The following PIF1 variants were observed in gnomAD, a reference collection of about 807,000 sequenced individuals.
PIF1 encodes ATP-dependent DNA helicase PIF1.
In PIF1, 67 loss-of-function variants were observed where a neutral mutation model predicts 62.3. The observed-to-expected ratio is 1.08, with a 90% confidence interval of 0.88 to 1.32. The LOEUF is 1.32. Ranked by LOEUF, PIF1 falls within the 40% of genes most tolerant of loss-of-function variation. The pLI is 0.00. For synonymous variants in PIF1, 364 were observed against 379.5 expected (o/e 0.96, Z 0.47); for missense variants, 886 against 866.1 (o/e 1.02, Z -0.29).
At position 64,821,375 on chromosome 15, in the gene PIF1, G is replaced by A. The variant is rs149484129; in HGVS notation, c.963C>T (p.Ala321=). 5.6e-6 allele frequency: 9 copies of A among 1,613,920 alleles called. No homozygotes were observed. Among genetic ancestry groups the A allele is most frequent in the Non-Finnish European group, 7.6e-6 (9 of 1,179,922 alleles). The change falls in exon 5 of 13, where the codon GCC becomes GCT. Residue 321 remains alanine (A), a synonymous_variant. Transcript: ENST00000559239. ...VEADLFDKLE[A]VARAVRQQNK... is the part of the protein sequence containing the mutation. ...CCTCTGAACATACTGACCTGGCCACGGCCTCCAGTTTGTCAAACAGGTCTG... is the reference window on the plus strand; with the variant it reads ...CCTCTGAACATACTGACCTGGCCACAGCCTCCAGTTTGTCAAACAGGTCTG...
chr15:64,819,112 C>A lies in PIF1; in HGVS notation c.1440+5G>T. The A allele has an allele frequency of 1.3e-6, 2 of 1,579,382 alleles. No individual in the cohort carries two copies. The highest frequency in any genetic ancestry group is 1.7e-6 in the Non-Finnish European group (2 of 1,169,512). ...CCCAGGGGCTAGGCCCTGCTTCCCA[C>A]TCACCTGGGCCCCCAGCTTTAGTTG... On this transcript the variant is annotated splice_donor_5th_base_variant and intron_variant, in intron 9 of 12. Coordinates refer to ENST00000559239, the MANE Select transcript of PIF1 (RefSeq NM_001286496.2).
At position 64,824,272 on chromosome 15, in the gene PIF1, C is replaced by A; in HGVS notation, c.64G>T (p.Ala22Ser). The A allele has an allele frequency of 7.8e-7, 1 of 1,281,532 alleles. No individual in the cohort carries two copies. 79.4% of individuals were successfully genotyped at this position (1,281,532 alleles called of 1,614,324 possible). Reference protein sequence around the residue: ...YEDSELRCRVAVEELSPGGQP... With the variant: ...YEDSELRCRVSVEELSPGGQP... ...CCGCCCGGGCTCAGCTCCTCCACAG[C>A]CACGCGGCACCGCAGCTCCGAGTCC... The change falls in exon 2 of 13, where the codon GCT (alanine) becomes TCT (serine). Residue 22 changes from alanine to serine, a missense_variant. Ala to Ser is a moderately conservative substitution (Grantham distance 99, BLOSUM62 1). Coordinates refer to ENST00000559239, the MANE Select transcript of PIF1 (RefSeq NM_001286496.2).
chr15:64,817,918 T>G, intron 11 of PIF1, 28 bp downstream of exon 11: 8 of 1,591,130 alleles, frequency 5.0e-6, no homozygotes, highest in Non-Finnish European at 6.8e-6. Flanking sequence ...CTGCCCTCCC[T>G]GTCCCTGCCC....
At position 64,824,292 on chromosome 15, in the gene PIF1, G is replaced by A. The variant is rs1408034763; in HGVS notation, c.44C>T (p.Ser15Leu). Residue 15 changes from serine to leucine, a missense_variant, in exon 2 of 13, where the codon TCG becomes TTG. Ser to Leu is a moderately radical substitution (Grantham distance 145, BLOSUM62 -2). Coordinates refer to ENST00000559239, the MANE Select transcript of PIF1 (RefSeq NM_001286496.2). ...IEAAAGEYED[S>L]ELRCRVAVEE... is the part of the protein sequence containing the mutation. Reference sequence around the variant, plus strand: ...CACAGCCACGCGGCACCGCAGCTCCGAGTCCTCATATTCCCCTGCCGCCGC... The same window carrying A: ...CACAGCCACGCGGCACCGCAGCTCCAAGTCCTCATATTCCCCTGCCGCCGC... The A allele has an allele frequency of 3.2e-6, 4 of 1,266,600 alleles. No homozygotes were observed. Among genetic ancestry groups the A allele is most frequent in the Non-Finnish European group, 4.0e-6 (4 of 1,004,692 alleles). The allele number at this position is 1,266,600 out of a possible 1,614,324, so 78.5% of individuals were successfully genotyped here.
chr15:64,821,452 C>T lies in PIF1; in HGVS notation c.886G>A (p.Gly296Ser). ...ACCAACCGCTGGCAGTTCAGCCAGC[C>T]CTGCCGCACGCCTGGCCTTTGGGCC... ...ALAQRPGVRQ[G>S]WLNCQRLVID... Residue 296 changes from glycine to serine, a missense_variant, in exon 5 of 13, where the codon GGC becomes AGC. Gly to Ser is a moderately conservative substitution (Grantham distance 56). Coordinates refer to ENST00000559239, the MANE Select transcript of PIF1 (RefSeq NM_001286496.2). 6.2e-7 allele frequency: 1 copy of T among 1,614,230 alleles called. No homozygotes were observed. Among genetic ancestry groups the T allele is most frequent in the Non-Finnish European group, 8.5e-7 (1 of 1,180,042 alleles).
chr15:64,820,376 G>A (rs1471264020), intron 7 of PIF1, among the ~76,000 whole-genome samples: 3 of 152,184 alleles, frequency 2.0e-5, no homozygotes, highest in Admixed American at 6.5e-5. Context: ...TACCTTGGGT[G>A]AAAAATCTAG....
chr15:64,817,898 T>C, intron 11 of PIF1, 48 bp downstream of exon 11: 2 of 1,572,970 alleles, frequency 1.3e-6, no homozygotes, highest in Non-Finnish European at 8.6e-7. Flanking sequence ...GCAACATGCC[T>C]GACCTCCCTC....
chr15:64,825,338 G>C (rs1466061522), intron 1 of PIF1, among the ~76,000 whole-genome samples: 1 of 152,178 alleles, frequency 6.6e-6, no homozygotes, highest in Admixed American at 6.5e-5. Flanking sequence ...CAGGCTAAGA[G>C]AGGGAAACTC....
At chr15:64,822,066 G>A in intron 4 of PIF1, 200 bp downstream of exon 4, 1 of 648,224 alleles carries the variant, frequency 1.5e-6, no homozygotes, top group South Asian at 2.1e-5. Flanking sequence ...TGTGGAGACA[G>A]GGTTTACTGT....
At chr15:64,826,665 T>TATATATATGCACAC (rs796684934), upstream of PIF1, among the ~76,000 whole-genome samples, 1 of 42,792 alleles carries the variant, frequency 2.3e-5, no homozygotes, top group Non-Finnish European at 4.2e-5. Context: ...TATATATATA[T>TATATATATGCACAC]ACACACACAC....
intron 4 of PIF1, 184 bp from the exon 5 acceptor site, chr15:64,821,704 T>G: frequency 3.3e-6 from 2 of 614,950 alleles, no homozygotes. Context: ...CCATAGTAGC[T>G]GGGACTACAG....
intron 9 of PIF1, 196 bp from the exon 10 acceptor site, chr15:64,818,540 G>T: frequency 1.7e-6 from 1 of 581,382 alleles, no homozygotes; most frequent in Non-Finnish European, 3.1e-6. Flanking sequence ...TTTTCTTTAT[G>T]TCAAAGAGGA....
At position 64,820,995 on chromosome 15, in the gene PIF1, C is replaced by A. The variant is rs535216310; in HGVS notation, c.1180G>T (p.Val394Leu). The A allele has an allele frequency of 6.2e-7, 1 of 1,613,882 alleles. No individual in the cohort carries two copies. Among genetic ancestry groups the A allele is most frequent in the Non-Finnish European group, 8.5e-7 (1 of 1,179,866 alleles). The part of the protein sequence containing the change: ...DQTFISLLQA[V>L]RLGRCSDEVT... ...AGCAGAGCTCACCTGCCTAGCCTCA[C>A]GGCCTGCAGTAGAGAGATGAAGGTC... The change falls in exon 7 of 13, where the codon GTG becomes TTG. Residue 394 changes from valine to leucine, a missense_variant. Transcript: ENST00000559239.
chr15:64,818,226 A>T (rs760163554), intron 10 of PIF1, 31 bp downstream of exon 10: 1 of 1,612,804 alleles, frequency 6.2e-7, no homozygotes, highest in South Asian at 1.1e-5. Flanking sequence ...AAAGCCCCGT[A>T]GCAGGACTGC....
chr15:64,819,952 T>C lies in PIF1; in HGVS notation c.1228A>G (p.Thr410Ala). The C allele has an allele frequency of 1.2e-6, 2 of 1,614,170 alleles. No individual in the cohort carries two copies. The highest frequency in any genetic ancestry group is 1.7e-6 in the Non-Finnish European group (2 of 1,180,018). ...SDEVTRQLQA[T>A]ASHKVGRDGI... ...TCTCGCCCCACCTTGTGGGAAGCTG[T>C]GGCCTGGAGCTGGCGGGTCACCTCA... The change falls in exon 8 of 13, where the codon ACA becomes GCA. Residue 410 changes from threonine to alanine, a missense_variant. Thr to Ala is a moderately conservative substitution (Grantham distance 58). Transcript: ENST00000559239.
rs544530355 is a variant in PIF1, at chr15:64,823,894, C to T, written c.442G>A (p.Val148Ile). 2 of 1,381,104 alleles carry T rather than the reference C, an allele frequency of 1.4e-6. No homozygotes were observed. The highest frequency in any genetic ancestry group is 9.5e-7 in the Non-Finnish European group (1 of 1,057,766). 85.6% of individuals were successfully genotyped at this position (1,381,104 alleles called of 1,614,324 possible). ...TCGGGCTGCACAGGGCTGATGGTGACGAAGTCGCGGGGCCGCGGGCCCAGC... is the reference window on the plus strand; with the variant it reads ...TCGGGCTGCACAGGGCTGATGGTGATGAAGTCGCGGGGCCGCGGGCCCAGC... ...QLLGPRPRDF[V>I]TISPVQPEER... Residue 148 changes from valine to isoleucine, a missense_variant, in exon 2 of 13, where the codon GTC (valine) becomes ATC (isoleucine). By Grantham distance (29) the Val-to-Ile change is conservative (BLOSUM62 3). Transcript: ENST00000559239.
Position 64,819,873 on chromosome 15 carries a change from T to G in PIF1, c.1307A>C (p.Asn436Thr), listed in dbSNP as rs756112051. 11 of 1,613,270 alleles carry G rather than the reference T, an allele frequency of 6.8e-6. No homozygotes were observed. In the Admixed American group the frequency reaches 8.3e-5, roughly 12 times the overall value. Residue 436 changes from asparagine (N) to threonine (T), a missense_variant, in exon 8 of 13, where the codon AAC becomes ACC. Transcript: ENST00000559239. Reference protein sequence around the residue: ...CTHQDDVALTNERRLQELPGK... With the variant: ...CTHQDDVALTTERRLQELPGK... Reference sequence around the variant, plus strand: ...TGGCAGCTCCTGAAGCCGCCTCTCGTTGGTGAGGGCCACATCATCCTGGTG... The same window carrying G: ...TGGCAGCTCCTGAAGCCGCCTCTCGGTGGTGAGGGCCACATCATCCTGGTG...
intron 2 of PIF1, 151 bp downstream of exon 2, chr15:64,823,626 AG>A: frequency 2.1e-6 from 1 of 479,604 alleles, no homozygotes; most frequent in African/African-American, 2.0e-5. Context: ...TAACAACCAC[AG>A]GCACAATTCC....
In PIF1 at chr15:64,818,000, A is replaced by C; in HGVS notation, c.1620T>G (p.Ser540Arg). The C allele has an allele frequency of 6.2e-7, 1 of 1,613,476 alleles. No individual in the cohort carries two copies. The highest frequency in any genetic ancestry group is 8.5e-7 in the Non-Finnish European group (1 of 1,179,818). ...CCAGCTGGAGGGGCAGCTGCTGCCGACTGAGGAGCTGGCCCCCGGTGGCCT... is the reference window on the plus strand; with the variant it reads ...CCAGCTGGAGGGGCAGCTGCTGCCGCCTGAGGAGCTGGCCCCCGGTGGCCT... ...TVQATGGQLL[S>R]RQQLPLQLAW... is the part of the protein sequence containing the mutation. The change falls in exon 11 of 13, where the codon AGT (serine) becomes AGG (arginine). Residue 540 changes from serine to arginine, a missense_variant. By Grantham distance (110) the Ser-to-Arg change is moderately radical. Transcript: ENST00000559239.
Sources: allele counts gnomAD v4.1 joint callset (sites outside exome capture counted in the v4.1 genomes callset), GRCh38; gene constraint gnomAD v4.1.1; transcripts MANE v1.5; gene names NCBI Gene and HGNC (gene_info 2026-07-23, HGNC 2026-07-21).